HDAC9: variants seen among roughly 807,000 people sequenced by gnomAD.
HDAC9 encodes histone deacetylase 9.
Under a neutral mutation model 139.4 loss-of-function variants are expected in HDAC9, and 41 were observed. That is an observed-to-expected ratio of 0.29 (90% CI 0.23 to 0.38). The LOEUF is 0.38. HDAC9 is among the 10% of genes least tolerant of loss of function. The pLI, the probability that HDAC9 is intolerant of heterozygous loss-of-function variation, is 1.00. For synonymous variants in HDAC9, 517 were observed against 476.2 expected (o/e 1.09, Z -1.12); for missense variants, 1,147 against 1,297.0 (o/e 0.88, Z 1.78).
intron 1 of HDAC9, among the ~76,000 whole-genome samples, chr7:18,336,085 TGAG>T (rs781369965): frequency 9.9e-5 from 15 of 151,634 alleles, no homozygotes; most frequent in Non-Finnish European, 1.9e-4. Context: ...TCAGAATGGC[TGAG>T]ATCAAATTTT....
intron 2 of HDAC9, among the ~76,000 whole-genome samples, chr7:18,256,093 A>C (rs1403767943): frequency 6.6e-6 from 1 of 152,162 alleles, no homozygotes; most frequent in Non-Finnish European, 1.5e-5. Flanking sequence ...AATATCTTGA[A>C]GAGCTAATTT....
chr7:18,591,503 G>GTC lies in HDAC9; in HGVS notation c.416-12_416-11insCT. 6.4e-7 allele frequency: 1 copy of GTC among 1,559,056 alleles called. No homozygotes were observed. Among genetic ancestry groups the GTC allele is most frequent in the African/African-American group, 1.4e-5 (1 of 73,524 alleles). On this transcript the variant is annotated splice_polypyrimidine_tract_variant and intron_variant, in intron 4 of 25. Coordinates refer to ENST00000686413, the MANE Select transcript of HDAC9 (RefSeq NM_178425.4). Reference sequence around the variant, plus strand: ...TGTGTGTGTGTGTGTGTGTGTGTGTGTGTGTATTTCAGGGGCAGTGGCAAG... The same window carrying GTC: ...TGTGTGTGTGTGTGTGTGTGTGTGTGTCTGTGTATTTCAGGGGCAGTGGCAAG...
chr7:18,545,054 C>A (rs1329996477), intron 2 of HDAC9, among the ~76,000 whole-genome samples: 3 of 152,076 alleles, frequency 2.0e-5, no homozygotes, highest in African/African-American at 2.4e-5. Context: ...GCAGCTCCCC[C>A]ACAACAAAAT....
intron 17 of HDAC9, among the ~76,000 whole-genome samples, chr7:18,822,167 A>G (rs1795023524): frequency 6.6e-6 from 1 of 152,124 alleles, no homozygotes; most frequent in Non-Finnish European, 1.5e-5. Flanking sequence ...TCTCCTCCCC[A>G]GAGGTTGGGC....
At chr7:18,535,595 A>G (rs1339206771) in intron 2 of HDAC9, among the ~76,000 whole-genome samples, 1 of 151,856 alleles carries the variant, frequency 6.6e-6, no homozygotes. Context: ...GCAGAACTCA[A>G]TTATCCAACA....
chr7:18,824,078 G>GAAGAAC lies in HDAC9; in HGVS notation c.2323-5078_2323-5077insCAAGAA, dbSNP rs1554367956. On this transcript the variant is annotated intron_variant, in intron 17 of 25. Transcript: ENST00000686413. ...AGAAGAAGAAGAAGAAGAAGAAGAA[G>GAAGAAC]AAGAAGAAGAACAAGAACAAGAAGG... Among the ~76,000 whole-genome samples, 545 of 150,702 alleles carry GAAGAAC rather than the reference G, an allele frequency of 3.6e-3. 6 individuals are homozygous for GAAGAAC. The highest frequency in any genetic ancestry group is 0.013 in the African/African-American group (522 of 40,414).
chr7:18,403,304 A>G (rs750941654), intron 1 of HDAC9, among the ~76,000 whole-genome samples: 1 of 152,200 alleles, frequency 6.6e-6, no homozygotes, highest in Non-Finnish European at 1.5e-5. Context: ...CGGTAAAGTC[A>G]TCATTACTAT....
chr7:18,755,116 GTCT>G (rs1788767070), intron 14 of HDAC9, among the ~76,000 whole-genome samples: 1 of 152,136 alleles, frequency 6.6e-6, no homozygotes, highest in Admixed American at 6.6e-5. Flanking sequence ...CCTGTGAATT[GTCT>G]CTAAAGGATA....
chr7:18,753,081 T>A, intron 14 of HDAC9, among the ~76,000 whole-genome samples: 1 of 152,138 alleles, frequency 6.6e-6, no homozygotes, highest in East Asian at 1.9e-4. Context: ...TCCAGGCATC[T>A]TTGTTAGGAG....
intron 21 of HDAC9, among the ~76,000 whole-genome samples, chr7:18,865,435 T>C (rs908744141): frequency 6.6e-6 from 1 of 151,394 alleles, no homozygotes; most frequent in Non-Finnish European, 1.5e-5. Context: ...GTGTGAAGAG[T>C]TGGAGGGTGA....
intron 2 of HDAC9, among the ~76,000 whole-genome samples, chr7:18,549,160 C>T (rs140653861): frequency 1.4e-3 from 213 of 152,252 alleles, no homozygotes; most frequent in African/African-American, 4.8e-3. Context: ...ATCGCTTGGA[C>T]CTGGGAGGTG....
At chr7:18,469,014 C>A (rs1386517117) in intron 1 of HDAC9, among the ~76,000 whole-genome samples, 1 of 152,190 alleles carries the variant, frequency 6.6e-6, no homozygotes, top group African/African-American at 2.4e-5. Flanking sequence ...ACTCATCCTG[C>A]CATTTCTCTA....
intron 12 of HDAC9, among the ~76,000 whole-genome samples, chr7:18,713,379 C>T (rs6947318): frequency 7.2e-4 from 110 of 152,134 alleles, no homozygotes; most frequent in African/African-American, 2.2e-3. Flanking sequence ...ATCTCAAAAA[C>T]CAATTGTTAG....
At chr7:18,312,071 C>T (rs1331875271) in intron 1 of HDAC9, among the ~76,000 whole-genome samples, 1 of 152,144 alleles carries the variant, frequency 6.6e-6, no homozygotes, top group Non-Finnish European at 1.5e-5. Context: ...GATTGTAGGG[C>T]CTATTGTCCT....
intron 1 of HDAC9, among the ~76,000 whole-genome samples, chr7:18,303,368 A>G (rs11978248): frequency 0.024 from 3,255 of 132,884 alleles, 126 homozygotes; most frequent in African/African-American, 0.08. Context: ...CGCCACGCCC[A>G]GCCAATTTGT....
chr7:18,183,613 A>G (rs1789678292), intron 2 of HDAC9, among the ~76,000 whole-genome samples: 1 of 152,192 alleles, frequency 6.6e-6, no homozygotes, highest in Non-Finnish European at 1.5e-5. Flanking sequence ...AGAACACTTC[A>G]CTACTTTTGT....
intron 2 of HDAC9, among the ~76,000 whole-genome samples, chr7:18,244,714 C>G (rs945007437): frequency 3.9e-5 from 6 of 152,054 alleles, no homozygotes; most frequent in African/African-American, 1.4e-4. Flanking sequence ...GGGAGAATGG[C>G]GTGAACCCGG....
At chr7:18,736,695 C>CT (rs1180600483) in intron 13 of HDAC9, among the ~76,000 whole-genome samples, 3 of 152,086 alleles carry the variant, frequency 2.0e-5, no homozygotes, top group Admixed American at 6.5e-5. Context: ...CTAAAATTCT[C>CT]TTTTTTTGTT....
intron 21 of HDAC9, among the ~76,000 whole-genome samples, chr7:18,856,427 G>A (rs1797685820): frequency 6.6e-6 from 1 of 152,074 alleles, no homozygotes. Flanking sequence ...TTGAACACAT[G>A]GTTATCTCTC....
Sources: gnomAD v4.1 joint callset for allele counts (sites outside exome capture counted in the v4.1 genomes callset) on GRCh38, gnomAD v4.1.1 for gene constraint, MANE v1.5 for transcripts, NCBI Gene and HGNC (gene_info 2026-07-23, HGNC 2026-07-21) for gene names.